The following AGMO variants were observed in gnomAD, a reference collection of about 807,000 sequenced individuals.
AGMO encodes the protein glyceryl-ether monooxygenase.
A neutral mutation model predicts 60.2 loss-of-function variants in AGMO; 75 were observed. That is an observed-to-expected ratio of 1.25 (90% CI 1.03 to 1.51). AGMO has a LOEUF of 1.51. Among genes scored for constraint, AGMO ranks in the 40% most tolerant of loss-of-function variants. AGMO has a pLI of 0.00. For synonymous variants in AGMO, 261 were observed against 177.1 expected (o/e 1.47, Z -3.76); for missense variants, 763 against 525.5 (o/e 1.45, Z -4.42).
intron 3 of AGMO, among the ~76,000 whole-genome samples, chr7:15,500,386 A>T (rs1865664): frequency 0.74 from 112,111 of 151,618 alleles, 42,859 homozygotes; most frequent in East Asian, 0.96. Flanking sequence ...TGTCATTAGG[A>T]ACCAAATTTC....
At chr7:15,508,785 A>G (rs1476674889) in intron 3 of AGMO, among the ~76,000 whole-genome samples, 1 of 152,124 alleles carries the variant, frequency 6.6e-6, no homozygotes, top group Non-Finnish European at 1.5e-5. Context: ...AAACCTAACC[A>G]TATCTTTTGC....
At chr7:15,257,974 T>A (rs1300587777) in intron 12 of AGMO, among the ~76,000 whole-genome samples, 2 of 152,198 alleles carry the variant, frequency 1.3e-5, no homozygotes, top group Admixed American at 1.3e-4. Context: ...CAAAACCGCA[T>A]TTTCAATGAT....
chr7:15,182,355 T>G, the AGMO span, among the ~76,000 whole-genome samples: 1 of 152,296 alleles, frequency 6.6e-6, no homozygotes, highest in South Asian at 2.1e-4. Flanking sequence ...AATGATAAAT[T>G]TTGTTATATA....
At chr7:15,272,682 C>T (rs1783651852) in intron 12 of AGMO, among the ~76,000 whole-genome samples, 1 of 152,100 alleles carries the variant, frequency 6.6e-6, no homozygotes. Context: ...ATTTCTAGTT[C>T]TAGATTCTTG....
At chr7:15,371,490 A>T (rs1783212286) in intron 10 of AGMO, among the ~76,000 whole-genome samples, 1 of 151,988 alleles carries the variant, frequency 6.6e-6, no homozygotes, top group African/African-American at 2.4e-5. Flanking sequence ...TCCTGGGTTC[A>T]AGCAATTCAC....
At position 15,487,924 on chromosome 7, in the gene AGMO, A is replaced by C. The variant is rs1583604228; in HGVS notation, c.410-56816T>G. 2.0e-5 allele frequency among the ~76,000 whole-genome samples: 3 copies of C among 152,182 alleles called. No individual in the cohort carries two copies. The East Asian group carries it at 5.8e-4, about 29-fold the overall frequency. On this transcript the variant is annotated intron_variant, in intron 3 of 12. Coordinates refer to ENST00000342526, the MANE Select transcript of AGMO (RefSeq NM_001004320.2). The stretch of plus-strand genomic sequence containing the variant: ...TAATACTACATCATCTCCTGAGAAA[A>C]ATAATCTAACACAGTCAAAAATTTC...
chr7:15,480,415 T>A (rs1782719140), intron 3 of AGMO, among the ~76,000 whole-genome samples: 1 of 152,138 alleles, frequency 6.6e-6, no homozygotes, highest in Admixed American at 6.6e-5. Context: ...CAGTGCATAG[T>A]TGATGGGGTA....
At chr7:15,475,048 G>A (rs1029140620) in intron 3 of AGMO, among the ~76,000 whole-genome samples, 1 of 152,140 alleles carries the variant, frequency 6.6e-6, no homozygotes, top group Admixed American at 6.5e-5. Flanking sequence ...AACAACAGAT[G>A]CTGGAGAGGA....
At chr7:15,264,782 C>A (rs1051552642) in intron 12 of AGMO, among the ~76,000 whole-genome samples, 1 of 152,118 alleles carries the variant, frequency 6.6e-6, no homozygotes, top group African/African-American at 2.4e-5. Flanking sequence ...CAAAATATAA[C>A]AAGTGCTGGT....
In AGMO at chr7:15,381,509, T is replaced by TA. The variant is rs1762685614; in HGVS notation, c.1074+3936dup. On this transcript the variant is annotated intron_variant, in intron 10 of 12. Transcript: ENST00000342526. Reference sequence around the variant, plus strand: ...TCCCACCAGTCAGACTGGGTATTATTAAAAACTCAAAAAATAACATGCTGG... The same window carrying TA: ...TCCCACCAGTCAGACTGGGTATTATTAAAAAACTCAAAAAATAACATGCTGG... Among the ~76,000 whole-genome samples the TA allele has an allele frequency of 5.3e-5, 8 of 152,152 alleles. No homozygotes were observed. In the South Asian group the frequency reaches 1.7e-3, roughly 32 times the overall value.
chr7:15,506,865 G>A (rs1783524845), intron 3 of AGMO, among the ~76,000 whole-genome samples: 1 of 151,862 alleles, frequency 6.6e-6, no homozygotes, highest in Non-Finnish European at 1.5e-5. Flanking sequence ...CTCTAATGCT[G>A]TGAGACTTAG....
chr7:15,531,997 T>C (rs1353379116), intron 3 of AGMO, among the ~76,000 whole-genome samples: 1 of 152,056 alleles, frequency 6.6e-6, no homozygotes, highest in Non-Finnish European at 1.5e-5. Flanking sequence ...TCAGTATGCT[T>C]CTAATGTGCA....
intron 3 of AGMO, among the ~76,000 whole-genome samples, chr7:15,460,822 C>A (rs1270162438): frequency 6.6e-6 from 1 of 152,014 alleles, no homozygotes; most frequent in African/African-American, 2.4e-5. Flanking sequence ...CAAAAAGAAG[C>A]AATCAATAAC....
At chr7:15,165,772 G>T in the AGMO span, among the ~76,000 whole-genome samples, 1 of 151,896 alleles carries the variant, frequency 6.6e-6, no homozygotes, top group African/African-American at 2.4e-5. Context: ...ACTACCCAAG[G>T]TACTTTTTCT....
the AGMO span, among the ~76,000 whole-genome samples, chr7:15,192,189 G>A: frequency 1.3e-5 from 2 of 151,980 alleles, no homozygotes; most frequent in South Asian, 2.1e-4. Flanking sequence ...TGGAAACCGT[G>A]ACCCTAAATG....
At chr7:15,517,535 G>A (rs1361259140) in intron 3 of AGMO, among the ~76,000 whole-genome samples, 1 of 151,540 alleles carries the variant, frequency 6.6e-6, no homozygotes, top group African/African-American at 2.4e-5. Flanking sequence ...GCAGGGTGGG[G>A]CATCGCCTCA....
chr7:15,517,637 A>G (rs980782773), intron 3 of AGMO, among the ~76,000 whole-genome samples: 4 of 151,994 alleles, frequency 2.6e-5, no homozygotes, highest in African/African-American at 9.7e-5. Flanking sequence ...TCCAGCCCAG[A>G]CGCTATGCTT....
chr7:15,557,214 C>A (rs781550022), intron 2 of AGMO, among the ~76,000 whole-genome samples: 1 of 152,064 alleles, frequency 6.6e-6, no homozygotes, highest in Admixed American at 6.6e-5. Flanking sequence ...TGGAAAAACA[C>A]GTTCGCTTTG....
At chr7:15,182,876 G>A in the AGMO span, among the ~76,000 whole-genome samples, 54 of 152,210 alleles carry the variant, frequency 3.5e-4, no homozygotes, top group Admixed American at 3.5e-3. Flanking sequence ...TTCAATCGTG[G>A]TGGAAGATGA....
Sources: gnomAD v4.1 joint callset for allele counts (sites outside exome capture counted in the v4.1 genomes callset) on GRCh38, gnomAD v4.1.1 for gene constraint, MANE v1.5 for transcripts, NCBI Gene and HGNC (gene_info 2026-07-23, HGNC 2026-07-21) for gene names.